Variants in FAM184A observed in about 807,000 individuals in gnomAD.
FAM184A encodes the protein family with sequence similarity 184 member A, also known as protein FAM184A.
In FAM184A, 99 loss-of-function variants were observed where a neutral mutation model predicts 143.8. That is an observed-to-expected ratio of 0.69 (90% CI 0.58 to 0.81). FAM184A has a LOEUF of 0.81. Among genes scored for constraint, FAM184A ranks in the 40% least tolerant of loss-of-function variants. FAM184A has a pLI of 0.00. For synonymous variants in FAM184A, 427 were observed against 446.4 expected, an observed-to-expected ratio of 0.96 and a Z score of 0.55; for missense variants, 1,217 against 1,310.5, an observed-to-expected ratio of 0.93 and a Z score of 1.10.
In FAM184A at chr6:119,024,011, T is replaced by C. The variant is rs1785545030; in HGVS notation, c.962A>G (p.Asp321Gly). The C allele has an allele frequency of 1.2e-6, 2 of 1,610,128 alleles. No homozygotes were observed. Among genetic ancestry groups the C allele is most frequent in the Non-Finnish European group, 1.7e-6 (2 of 1,179,062 alleles). Residue 321 changes from aspartate (D) to glycine (G), a missense_variant, in exon 2 of 18, where the codon GAC becomes GGC. Transcript: ENST00000338891. ...TGCCGTCTGAAGCTTTTGGCATTTGTCAAGAAGACTTCCAGCTTCATCCTG... is the reference window on the plus strand; with the variant it reads ...TGCCGTCTGAAGCTTTTGGCATTTGCCAAGAAGACTTCCAGCTTCATCCTG... ...MVQDEAGSLL[D>G]KCQKLQTALA...
Position 118,960,097 on chromosome 6 carries a change from A to G in FAM184A, c.*6T>C, listed in dbSNP as rs768712566. On this transcript the variant is annotated 3_prime_UTR_variant, in exon 18 of 18. Coordinates refer to ENST00000338891, the MANE Select transcript of FAM184A (RefSeq NM_024581.6). ...GTCTATACAGAGCTGTGCCAACACA[A>G]TTCTTTCAGAATGTGAAGTACCGGG... The G allele has an allele frequency of 6.2e-7, 1 of 1,611,786 alleles. No homozygotes were observed. The highest frequency in any genetic ancestry group is 8.5e-7 in the Non-Finnish European group (1 of 1,178,290).
intron 1 of FAM184A, among the ~76,000 whole-genome samples, chr6:119,086,651 A>G (rs1353441470): frequency 6.6e-6 from 1 of 152,220 alleles, no homozygotes; most frequent in Non-Finnish European, 1.5e-5. Flanking sequence ...ACAGGTATCA[A>G]GATTACTTAT....
intron 2 of FAM184A, among the ~76,000 whole-genome samples, 172 bp downstream of exon 2, chr6:119,023,787 A>G (rs1453552695): frequency 6.7e-6 from 1 of 149,518 alleles, no homozygotes; most frequent in Admixed American, 6.7e-5. Flanking sequence ...TTATCCTGTC[A>G]TTGATTTTTC....
chr6:118,967,043 ACAC>A, intron 14 of FAM184A, 91 bp from the exon 15 acceptor site: 1 of 614,888 alleles, frequency 1.6e-6, no homozygotes, highest in Non-Finnish European at 2.8e-6. Context: ...AGTTGAACAC[ACAC>A]AAAAATCTGA....
chr6:119,041,250 G>C (rs1167862431), intron 1 of FAM184A, among the ~76,000 whole-genome samples: 1 of 152,160 alleles, frequency 6.6e-6, no homozygotes, highest in Non-Finnish European at 1.5e-5. Flanking sequence ...AGAGATGAAG[G>C]GTGGTCCCAA....
chr6:119,049,639 G>T (rs1021223153), intron 1 of FAM184A, among the ~76,000 whole-genome samples: 1 of 152,102 alleles, frequency 6.6e-6, no homozygotes, highest in East Asian at 1.9e-4. Flanking sequence ...ATATGTAGAA[G>T]ATTGGAATTG....
chr6:119,024,025 AG>A lies in FAM184A; in HGVS notation c.947del (p.Ala316ValfsTer17), dbSNP rs1255970341. The A allele has an allele frequency of 6.2e-7, 1 of 1,611,490 alleles. No homozygotes were observed. The highest frequency in any genetic ancestry group is 8.5e-7 in the Non-Finnish European group (1 of 1,179,452). ...KTELQMVQDEAGSLLDKCQKL... is the reference protein window; with the variant it reads ...KTELQMVQDEXGSLLDKCQKL... ...TTTGGCATTTGTCAAGAAGACTTCC[AG>A]CTTCATCCTGTACCATCTGTAACTC... On this transcript the variant is annotated frameshift_variant, in exon 2 of 18. Transcript: ENST00000338891. LOFTEE classifies it high-confidence loss of function.
intron 9 of FAM184A, among the ~76,000 whole-genome samples, chr6:118,998,106 C>A (rs534710978): frequency 4.7e-4 from 72 of 152,214 alleles, no homozygotes; most frequent in Non-Finnish European, 9.9e-4. Flanking sequence ...CCCCAGTCAC[C>A]CACACCCCAC....
chr6:118,969,562 A>G (rs1162181277), intron 14 of FAM184A, among the ~76,000 whole-genome samples: 1 of 152,166 alleles, frequency 6.6e-6, no homozygotes, highest in Non-Finnish European at 1.5e-5. Flanking sequence ...AGACTAGTCA[A>G]TATTTTTCTT....
At chr6:119,079,537 A>T (rs1258565879), upstream of FAM184A, among the ~76,000 whole-genome samples, 1 of 152,208 alleles carries the variant, frequency 6.6e-6, no homozygotes, top group African/African-American at 2.4e-5. Flanking sequence ...CCTGCAAGTC[A>T]AATGATTTTT....
intron 1 of FAM184A, among the ~76,000 whole-genome samples, chr6:119,051,991 T>A (rs573767527): frequency 6.6e-6 from 1 of 152,294 alleles, no homozygotes; most frequent in Admixed American, 6.5e-5. Flanking sequence ...GCAGTATCTA[T>A]GTATGAGACT....
At chr6:119,064,840 T>A (rs1249791213) in intron 1 of FAM184A, among the ~76,000 whole-genome samples, 1 of 152,218 alleles carries the variant, frequency 6.6e-6, no homozygotes, top group African/African-American at 2.4e-5. Flanking sequence ...CTATTCCAAA[T>A]GTTTTCTACT....
intron 1 of FAM184A, among the ~76,000 whole-genome samples, chr6:119,045,435 T>A (rs1258766262): frequency 6.6e-6 from 1 of 152,120 alleles, no homozygotes. Context: ...AACCATCACC[T>A]AGGGCTGGCT....
intron 9 of FAM184A, 116 bp downstream of exon 9, chr6:119,002,783 A>G (rs1000432039): frequency 1.1e-6 from 1 of 919,386 alleles, no homozygotes; most frequent in Non-Finnish European, 1.6e-6. Context: ...TAGAAGTTTT[A>G]AGTTTGTCCC....
At chr6:119,075,032 T>C (rs963846359) in intron 1 of FAM184A, among the ~76,000 whole-genome samples, 1 of 152,248 alleles carries the variant, frequency 6.6e-6, no homozygotes, top group Non-Finnish European at 1.5e-5. Context: ...GACTGCTTTT[T>C]AATTAAAAAT....
intron 1 of FAM184A, among the ~76,000 whole-genome samples, chr6:119,038,523 T>TC (rs1234603702): frequency 6.6e-6 from 1 of 152,014 alleles, no homozygotes; most frequent in Non-Finnish European, 1.5e-5. Flanking sequence ...ACTGCAACAC[T>TC]CCCACCAGCG....
chr6:119,011,637 T>G (rs1266209852), intron 5 of FAM184A, among the ~76,000 whole-genome samples: 1 of 152,198 alleles, frequency 6.6e-6, no homozygotes, highest in Non-Finnish European at 1.5e-5. Flanking sequence ...GTAGTTATAC[T>G]TTTTTTAAAT....
At position 119,073,053 on chromosome 6, in the gene FAM184A, C is replaced by A. The variant is rs114380546; in HGVS notation, c.159+5088G>T. Reference sequence around the variant, plus strand: ...AGATACAGTCCCTAGAGCTGAGAACCTTACAGTCAAATTATGAAAACAAAG... The same window carrying A: ...AGATACAGTCCCTAGAGCTGAGAACATTACAGTCAAATTATGAAAACAAAG... On this transcript the variant is annotated intron_variant, in intron 1 of 17. Coordinates refer to ENST00000338891, the MANE Select transcript of FAM184A (RefSeq NM_024581.6). Among the ~76,000 whole-genome samples, 525 of 152,250 alleles carry A rather than the reference C, an allele frequency of 3.4e-3. 4 individuals carry two copies. The highest frequency in any genetic ancestry group is 0.012 in the African/African-American group (490 of 41,518).
At chr6:119,010,652 T>G (rs1323287873) in intron 6 of FAM184A, among the ~76,000 whole-genome samples, 1 of 152,204 alleles carries the variant, frequency 6.6e-6, no homozygotes, top group Admixed American at 6.5e-5. Flanking sequence ...TTGCTTATGG[T>G]GTGTTTTGAT....
Sources: allele counts gnomAD v4.1 joint callset (sites outside exome capture counted in the v4.1 genomes callset), GRCh38; gene constraint gnomAD v4.1.1; transcripts MANE v1.5; gene names NCBI Gene and HGNC (gene_info 2026-07-23, HGNC 2026-07-21).